The following SLC7A7 variants were observed in gnomAD, a reference collection of about 807,000 sequenced individuals.
The protein encoded by SLC7A7 is solute carrier family 7 member 7, also known as Y+L amino acid transporter 1.
A neutral mutation model predicts 47.9 loss-of-function variants in SLC7A7; 39 were observed. That is an observed-to-expected ratio of 0.81 (90% CI 0.63 to 1.06). The LOEUF is 1.06. SLC7A7 is among the 50% of genes least tolerant of loss of function. The pLI is 0.00. For missense variants in SLC7A7, 588 were observed against 632.0 expected (o/e 0.93, Z 0.75); for synonymous variants, 234 against 242.8 (o/e 0.96, Z 0.34).
At chr14:22,800,151 C>G (rs1369629962) in intron 2 of SLC7A7, among the ~76,000 whole-genome samples, 1 of 152,168 alleles carries the variant, frequency 6.6e-6, no homozygotes, top group African/African-American at 2.4e-5. Flanking sequence ...GCTTTCAATC[C>G]TACATAGAAA....
At chr14:22,786,566 T>C (rs551707535) in intron 2 of SLC7A7, among the ~76,000 whole-genome samples, 5 of 152,342 alleles carry the variant, frequency 3.3e-5, no homozygotes, top group African/African-American at 1.2e-4. Flanking sequence ...CCTGAAATCA[T>C]TGTTTACTAC....
intron 2 of SLC7A7, among the ~76,000 whole-genome samples, chr14:22,793,383 G>C (rs1380563095): frequency 2.0e-5 from 3 of 152,166 alleles, no homozygotes; most frequent in African/African-American, 7.2e-5. Flanking sequence ...CCCAGGCATA[G>C]GCTGAACTAA....
At chr14:22,812,228 G>A (rs2039321483) in intron 2 of SLC7A7, among the ~76,000 whole-genome samples, 1 of 151,736 alleles carries the variant, frequency 6.6e-6, no homozygotes, top group African/African-American at 2.4e-5. Flanking sequence ...GTGCAGTGGT[G>A]CGATCTTGGC....
chr14:22,803,149 G>A (rs1290620887), intron 2 of SLC7A7, among the ~76,000 whole-genome samples: 1 of 152,226 alleles, frequency 6.6e-6, no homozygotes, highest in East Asian at 1.9e-4. Flanking sequence ...GCCAGGCACG[G>A]TGGCTCATGC....
intron 2 of SLC7A7, among the ~76,000 whole-genome samples, chr14:22,792,893 GAGAA>G (rs1327982532): frequency 6.9e-6 from 1 of 145,494 alleles, no homozygotes; most frequent in Non-Finnish European, 1.5e-5. Flanking sequence ...GAGAGAGAGA[GAGAA>G]AGGAAAAGAA....
chr14:22,785,371 T>C (rs995008066), intron 2 of SLC7A7, among the ~76,000 whole-genome samples: 4 of 152,160 alleles, frequency 2.6e-5, no homozygotes, highest in Non-Finnish European at 5.9e-5. Flanking sequence ...GCCAGACCCC[T>C]CCTCTGTCTC....
At chr14:22,789,462 T>C (rs2038883864) in intron 2 of SLC7A7, among the ~76,000 whole-genome samples, 1 of 151,798 alleles carries the variant, frequency 6.6e-6, no homozygotes, top group African/African-American at 2.4e-5. Flanking sequence ...ACCCCGTCTC[T>C]ACTAAAAATA....
chr14:22,775,536 A>C lies in SLC7A7; in HGVS notation c.1003T>G (p.Phe335Val), dbSNP rs2139387225. The C allele has an allele frequency of 6.2e-7, 1 of 1,614,126 alleles. No homozygotes were observed. The highest frequency in any genetic ancestry group is 8.5e-7 in the Non-Finnish European group (1 of 1,179,956). Reference sequence around the variant, plus strand: ...TGGCCTTCTCTTGAGCCCACAAAGAAAAGCCTATGTTAGGTAAGATAGGAG... The same window carrying C: ...TGGCCTTCTCTTGAGCCCACAAAGACAAGCCTATGTTAGGTAAGATAGGAG... ...NASIVAASRLFFVGSREGHLP... is the reference protein window; with the variant it reads ...NASIVAASRLVFVGSREGHLP... Residue 335 changes from phenylalanine (F) to valine (V), a missense_variant, in exon 7 of 10, where the codon TTC becomes GTC. Physicochemically the swap from Phe to Val is conservative, Grantham distance 50. Coordinates refer to ENST00000674313, the MANE Select transcript of SLC7A7 (RefSeq NM_003982.4).
At chr14:22,775,779 G>C (rs2038590751) in intron 6 of SLC7A7, 54 bp downstream of exon 6, 2 of 1,281,808 alleles carry the variant, frequency 1.6e-6, no homozygotes, top group Non-Finnish European at 2.3e-6. Context: ...TGTAAGTTCT[G>C]TCCACTGCAT....
chr14:22,807,342 C>A (rs951958996), intron 2 of SLC7A7, among the ~76,000 whole-genome samples: 6 of 152,170 alleles, frequency 3.9e-5, no homozygotes, highest in Non-Finnish European at 7.3e-5. Context: ...CAAAAACATT[C>A]TCCATGTGGC....
At chr14:22,798,315 A>G (rs887926616) in intron 2 of SLC7A7, among the ~76,000 whole-genome samples, 1 of 148,626 alleles carries the variant, frequency 6.7e-6, no homozygotes, top group Non-Finnish European at 1.5e-5. Flanking sequence ...GAAGAAGAAG[A>G]AGGAGAAGGA....
intron 5 of SLC7A7, 58 bp from the exon 6 acceptor site, chr14:22,775,994 A>G (rs768562586): frequency 4.8e-6 from 7 of 1,472,858 alleles, no homozygotes; most frequent in Non-Finnish European, 6.7e-6. Flanking sequence ...AAAGACATGG[A>G]TGGGCATGCC....
At chr14:22,775,806 A>G (rs1566440342) in intron 6 of SLC7A7, 27 bp downstream of exon 6, 1 of 1,503,694 alleles carries the variant, frequency 6.7e-7, no homozygotes, top group Non-Finnish European at 9.3e-7. Flanking sequence ...TTGATGATAC[A>G]CCCCTCACAA....
Position 22,813,339 on chromosome 14 carries a change from C to G in SLC7A7, c.60G>C (p.Leu20Phe). 4 of 1,614,112 alleles carry G rather than the reference C, an allele frequency of 2.5e-6. No individual in the cohort carries two copies. Among genetic ancestry groups the G allele is most frequent in the Non-Finnish European group, 3.4e-6 (4 of 1,180,032 alleles). ...CCGGCCCTGGGCTGGCCCCATCACC[C>G]AAAGGGGAGGTTTCCACCTCAGGCT... is the stretch of plus-strand genomic sequence containing the variant. Reference protein sequence around the residue: ...ASQPEVETSPLGDGASPGPEQ... With the variant: ...ASQPEVETSPFGDGASPGPEQ... Residue 20 changes from leucine to phenylalanine, a missense_variant, in exon 2 of 10, where the codon TTG becomes TTC. Leu to Phe is a conservative substitution (Grantham distance 22). Coordinates refer to ENST00000674313, the MANE Select transcript of SLC7A7 (RefSeq NM_003982.4).
chr14:22,799,583 T>A (rs2331769), intron 2 of SLC7A7, among the ~76,000 whole-genome samples: 14 of 151,040 alleles, frequency 9.3e-5, no homozygotes, highest in Non-Finnish European at 1.8e-4. Context: ...GCCTCCAGAG[T>A]AGCTGGGACT....
intron 3 of SLC7A7, 87 bp from the exon 4 acceptor site, chr14:22,779,024 G>A (rs2139395299): frequency 6.5e-7 from 1 of 1,545,640 alleles, no homozygotes; most frequent in South Asian, 1.2e-5. Flanking sequence ...ACAGAATATG[G>A]TAATATAATA....
chr14:22,798,368 A>C (rs2039054054), intron 2 of SLC7A7, among the ~76,000 whole-genome samples: 1 of 152,158 alleles, frequency 6.6e-6, no homozygotes, highest in South Asian at 2.1e-4. Context: ...AACTGAGGCT[A>C]ATAAATTTGA....
At chr14:22,817,314 C>T (rs940615208), upstream of SLC7A7, 71 of 239,888 alleles carry the variant, frequency 3.0e-4, no homozygotes, top group African/African-American at 1.5e-3. Context: ...GTTTTTATTT[C>T]GGTATTTTTA....
rs1036250694 is a variant in SLC7A7, at chr14:22,815,156, G to T, written c.-43+164C>A. On this transcript the variant is annotated intron_variant, in intron 1 of 9. Coordinates refer to ENST00000674313, the MANE Select transcript of SLC7A7 (RefSeq NM_003982.4). Reference sequence around the variant, plus strand: ...CAGGCAGCACATGCTGGAAAACACCGAACAGGAGACAGCTGAGAGGAAAAT... The same window carrying T: ...CAGGCAGCACATGCTGGAAAACACCTAACAGGAGACAGCTGAGAGGAAAAT... 6 of 355,598 alleles carry T rather than the reference G, an allele frequency of 1.7e-5. No individual in the cohort carries two copies. In the Admixed American group the frequency reaches 2.2e-4, roughly 13 times the overall value. The allele number at this position is 355,598 out of a possible 1,614,324, so 22.0% of individuals were successfully genotyped here.
Sources: allele counts gnomAD v4.1 joint callset (sites outside exome capture counted in the v4.1 genomes callset), GRCh38; gene constraint gnomAD v4.1.1; transcripts MANE v1.5; gene names NCBI Gene and HGNC (gene_info 2026-07-23, HGNC 2026-07-21).